The following PDZD2 variants were observed in gnomAD, a reference collection of about 807,000 sequenced individuals.
PDZD2 encodes PDZ domain-containing protein 2.
PDZD2 carries 90 observed loss-of-function variants against 220.7 expected under a neutral mutation model. That is an observed-to-expected ratio of 0.41 (90% CI 0.34 to 0.49). The LOEUF (loss-of-function observed/expected upper bound fraction) is 0.49, where lower values mean the gene tolerates loss of function less well. Ranked by LOEUF, PDZD2 falls within the 20% of genes least tolerant of loss-of-function variation. The pLI is 0.28. For synonymous variants in PDZD2, 1,375 were observed against 1,450.5 expected, an observed-to-expected ratio of 0.95 and a Z score of 1.18; for missense variants, 3,174 against 3,608.5, an observed-to-expected ratio of 0.88 and a Z score of 3.08.
chr5:31,908,099 A>G lies in PDZD2; in HGVS notation c.477-75056A>G, dbSNP rs974652188. ...CTCCGTCTCAAAAAAAAAAAAAAAAAAAAAAAAAAGAAAGAAAAGGATCAG... is the reference window on the plus strand; with the variant it reads ...CTCCGTCTCAAAAAAAAAAAAAAAAGAAAAAAAAAGAAAGAAAAGGATCAG... On this transcript the variant is annotated intron_variant, in intron 2 of 24. Coordinates refer to ENST00000438447, the MANE Select transcript of PDZD2 (RefSeq NM_178140.4). Among the ~76,000 whole-genome samples the G allele has an allele frequency of 5.0e-4, 71 of 143,066 alleles. 1 individual carries two copies. Among genetic ancestry groups the G allele is most frequent in the African/African-American group, 1.6e-3 (67 of 40,682 alleles). 93.9% of individuals were successfully genotyped at this position (143,066 alleles called of 152,430 possible).
intron 2 of PDZD2, among the ~76,000 whole-genome samples, chr5:31,972,954 GA>G (rs1749438393): frequency 6.6e-6 from 1 of 152,112 alleles, no homozygotes; most frequent in Admixed American, 6.6e-5. Context: ...ATTTAATAAA[GA>G]AATGCAATCA....
At chr5:31,875,126 T>C (rs1188942458) in intron 2 of PDZD2, among the ~76,000 whole-genome samples, 1 of 152,228 alleles carries the variant, frequency 6.6e-6, no homozygotes, top group Non-Finnish European at 1.5e-5. Context: ...CATGGAGTCA[T>C]TCATTTTAAC....
intron 19 of PDZD2, among the ~76,000 whole-genome samples, chr5:32,081,092 T>A (rs1032454313): frequency 6.7e-6 from 1 of 149,168 alleles, no homozygotes; most frequent in Non-Finnish European, 1.5e-5. Context: ...AAAAAAAAAA[T>A]ACCGCGGGTT....
intron 1 of PDZD2, among the ~76,000 whole-genome samples, chr5:31,691,794 T>C (rs1747145660): frequency 6.6e-6 from 1 of 152,190 alleles, no homozygotes; most frequent in Admixed American, 6.5e-5. Flanking sequence ...TGTGGATTGG[T>C]GCATTCACAA....
chr5:31,878,596 G>A (rs1171577129), intron 2 of PDZD2, among the ~76,000 whole-genome samples: 1 of 97,544 alleles, frequency 1.0e-5, no homozygotes, highest in African/African-American at 4.1e-5. Flanking sequence ...GAGTCTCGCT[G>A]TCGCCCAGGC....
chr5:31,967,628 C>T (rs1340341825), intron 2 of PDZD2, among the ~76,000 whole-genome samples: 4 of 152,122 alleles, frequency 2.6e-5, no homozygotes, highest in African/African-American at 4.8e-5. Context: ...TATCCCTGGG[C>T]GTTGATAGTA....
At chr5:31,662,355 G>T (rs1012038889) in intron 1 of PDZD2, among the ~76,000 whole-genome samples, 10 of 152,118 alleles carry the variant, frequency 6.6e-5, no homozygotes, top group African/African-American at 1.9e-4. Flanking sequence ...TCTTTTATCT[G>T]TAAAAGAAGA....
chr5:31,998,749 A>G (rs1279017509), intron 4 of PDZD2, among the ~76,000 whole-genome samples: 1 of 152,258 alleles, frequency 6.6e-6, no homozygotes. Context: ...AAACATCACC[A>G]AAAAATCTCA....
intron 2 of PDZD2, among the ~76,000 whole-genome samples, chr5:31,833,948 G>T (rs948751471): frequency 1.3e-5 from 2 of 152,220 alleles, no homozygotes; most frequent in Non-Finnish European, 2.9e-5. Flanking sequence ...GGCCAGGTTA[G>T]CCACCAGGAT....
chr5:31,669,401 C>CAAAA (rs34910299), intron 1 of PDZD2, among the ~76,000 whole-genome samples: 1 of 109,656 alleles, frequency 9.1e-6, no homozygotes, highest in Non-Finnish European at 1.8e-5. Context: ...GACCCTGTCT[C>CAAAA]AAAAAAAAAA....
intron 2 of PDZD2, among the ~76,000 whole-genome samples, chr5:31,852,273 ATTAT>A (rs1012170255): frequency 6.6e-6 from 1 of 151,768 alleles, no homozygotes; most frequent in Non-Finnish European, 1.5e-5. Context: ...ATTTATTTTT[ATTAT>A]TTATTTATTT....
At chr5:32,025,981 G>T (rs916510093) in intron 6 of PDZD2, among the ~76,000 whole-genome samples, 4 of 152,158 alleles carry the variant, frequency 2.6e-5, no homozygotes, top group African/African-American at 9.7e-5. Flanking sequence ...AATAATCCAT[G>T]TAAGAGTATG....
chr5:31,847,997 G>A (rs1315678629), intron 2 of PDZD2: 2 of 404,288 alleles, frequency 4.9e-6, no homozygotes, highest in African/African-American at 4.1e-5. Flanking sequence ...GGCTCATGCT[G>A]CTATGCAAGA....
intron 2 of PDZD2, among the ~76,000 whole-genome samples, chr5:31,817,965 A>ATTT (rs368621112): frequency 0.48 from 53,338 of 111,866 alleles, 13,617 homozygotes; most frequent in African/African-American, 0.52. Flanking sequence ...CACCTGGCCA[A>ATTT]TTTTTTTTTT....
intron 2 of PDZD2, among the ~76,000 whole-genome samples, chr5:31,879,335 A>G (rs1440014407): frequency 6.6e-6 from 1 of 150,962 alleles, no homozygotes; most frequent in Non-Finnish European, 1.5e-5. Flanking sequence ...TGCAGTGAGC[A>G]TAGATCGTGC....
rs1754512540 is a variant in PDZD2, at chr5:31,803,264, T to TA, written c.476+3540_476+3541insA. Among the ~76,000 whole-genome samples, 5 of 135,434 alleles carry TA rather than the reference T, an allele frequency of 3.7e-5. No individual in the cohort carries two copies. In the South Asian group the frequency reaches 1.2e-3, roughly 33 times the overall value. 88.8% of individuals were successfully genotyped at this position (135,434 alleles called of 152,430 possible). On this transcript the variant is annotated intron_variant, in intron 2 of 24. Coordinates refer to ENST00000438447, the MANE Select transcript of PDZD2 (RefSeq NM_178140.4). ...AGGTGTGCACCACTGCATCTGGCTT[T>TA]TTTTTTTTTTTTTTTTTTTGTAGAG...
intron 2 of PDZD2, chr5:31,823,154 CAAAAAAAAAAAAAAAAA>C (rs397997277): frequency 4.7e-5 from 5 of 105,430 alleles, no homozygotes; most frequent in African/African-American, 1.7e-4. Context: ...GTAGACGTGG[CAAAAAAAAAAAAAAAAA>C]AAAAAAAAAA....
chr5:31,859,666 T>G (rs1034891029), intron 2 of PDZD2, among the ~76,000 whole-genome samples: 7 of 152,174 alleles, frequency 4.6e-5, no homozygotes. Context: ...CTTTTGGTTT[T>G]TAATCACTTC....
chr5:31,967,045 T>C (rs1455951239), intron 2 of PDZD2, among the ~76,000 whole-genome samples: 11 of 152,218 alleles, frequency 7.2e-5, no homozygotes, highest in African/African-American at 2.2e-4. Flanking sequence ...AATTGTGAAG[T>C]AAATTCAGAA....
Sources: gnomAD v4.1 joint callset for allele counts (sites outside exome capture counted in the v4.1 genomes callset) on GRCh38, gnomAD v4.1.1 for gene constraint, MANE v1.5 for transcripts, NCBI Gene and HGNC (gene_info 2026-07-23, HGNC 2026-07-21) for gene names.